The following LGR6 variants were observed in gnomAD, a reference collection of about 807,000 sequenced individuals.
LGR6 encodes leucine-rich repeat-containing G protein-coupled receptor 6.
LGR6 carries 45 observed loss-of-function variants against 69.4 expected under a neutral mutation model. The ratio of observed to expected loss-of-function variants is 0.65; its 90% confidence interval spans 0.51 to 0.83. The LOEUF is 0.83. Among genes scored for constraint, LGR6 ranks in the 40% least tolerant of loss-of-function variants. The pLI, the probability that LGR6 is intolerant of heterozygous loss-of-function variation, is 0.00. For synonymous variants in LGR6, 538 were observed against 555.0 expected, an observed-to-expected ratio of 0.97 and a Z score of 0.43; for missense variants, 1,108 against 1,246.7, an observed-to-expected ratio of 0.89 and a Z score of 1.68.
intron 1 of LGR6, among the ~76,000 whole-genome samples, chr1:202,196,362 T>C (rs754415962): frequency 1.3e-5 from 2 of 152,196 alleles, no homozygotes; most frequent in Non-Finnish European, 2.9e-5. Context: ...AGAGCTGGCA[T>C]GCAGAAGAGC....
rs768239215 is a variant in LGR6, at chr1:202,318,877, G to A, written c.2574G>A (p.Glu858=). The change falls in exon 18 of 18, where the codon GAG becomes GAA. Residue 858 remains glutamate, a synonymous_variant. Coordinates refer to ENST00000367278, the MANE Select transcript of LGR6 (RefSeq NM_001017403.2). ...SGPLAYAAAG[E]LEKSSCDSTQ... ...CCCTAGCCTATGCTGCGGCCGGGGA[G>A]CTGGAGAAGAGCTCCTGTGATTCTA... The A allele has an allele frequency of 3.7e-6, 6 of 1,613,988 alleles. No individual in the cohort carries two copies. The Admixed American group carries it at 1.0e-4, about 27-fold the overall frequency.
rs572587382 is a variant in LGR6, at chr1:202,194,155, G to A, written c.166G>A (p.Gly56Arg). ...IMLSADCSEL[G>R]LSAVPGDLDP... ...GCTGTCTGCCGACTGCTCTGAGCTC[G>A]GGCTGTCCGCCGTTCCGGGGGACCT... Residue 56 changes from glycine to arginine, a missense_variant, in exon 1 of 18, where the codon GGG becomes AGG. Transcript: ENST00000367278. 1.1e-5 allele frequency: 17 copies of A among 1,574,962 alleles called. No individual in the cohort carries two copies. In the South Asian group the frequency reaches 1.5e-4, roughly 14 times the overall value.
chr1:202,264,704 T>A (rs1234804907), intron 4 of LGR6, among the ~76,000 whole-genome samples: 1 of 152,224 alleles, frequency 6.6e-6, no homozygotes, highest in Admixed American at 6.5e-5. Context: ...TCCTAAAGGC[T>A]ACACACAGAG....
chr1:202,246,184 CCCAT>C (rs1234727968), intron 4 of LGR6, among the ~76,000 whole-genome samples: 2 of 32,658 alleles, frequency 6.1e-5, no homozygotes, highest in African/African-American at 1.4e-4. Context: ...CATCCCTCCA[CCCAT>C]CCATCCATCC....
intron 4 of LGR6, among the ~76,000 whole-genome samples, chr1:202,266,797 G>T (rs2993442): frequency 0.47 from 70,993 of 151,794 alleles, 17,600 homozygotes; most frequent in East Asian, 0.7. Context: ...TAGGAAGTTT[G>T]TCCTACCTCC....
chr1:202,234,082 C>G (rs1661317143), intron 3 of LGR6, among the ~76,000 whole-genome samples: 1 of 152,204 alleles, frequency 6.6e-6, no homozygotes, highest in African/African-American at 2.4e-5. Flanking sequence ...TTGGGTGGAG[C>G]CTGGATTGAA....
chr1:202,260,109 C>G lies in LGR6; in HGVS notation c.429-16197C>G, dbSNP rs927831938. On this transcript the variant is annotated intron_variant, in intron 4 of 17. Transcript: ENST00000367278. ...TGTCGTCCCGGCTGGAGTGTAGTGT[C>G]TTGATTTCGGCCTCAGCCTCCTGGG... Among the ~76,000 whole-genome samples the G allele has an allele frequency of 3.9e-5, 6 of 152,128 alleles. No homozygotes were observed. In the South Asian group the frequency reaches 1.2e-3, roughly 32 times the overall value.
chr1:202,266,891 C>A (rs1664708809), intron 4 of LGR6, among the ~76,000 whole-genome samples: 1 of 126,404 alleles, frequency 7.9e-6, no homozygotes, highest in South Asian at 3.2e-4. Flanking sequence ...CTTTTCCTCT[C>A]TCTCTAACGC....
rs773172695 is a variant in LGR6, at chr1:202,318,628, G to A, written c.2325G>A (p.Val775=). The A allele has an allele frequency of 1.2e-6, 2 of 1,613,756 alleles. No individual in the cohort carries two copies. Among genetic ancestry groups the A allele is most frequent in the Admixed American group, 1.7e-5 (1 of 60,008 alleles). ...GGGACTGCGCCATGGTGAGGCACGT[G>A]GCCTGGCTCATCTTCGCAGACGGGC... ...AVWDCAMVRH[V]AWLIFADGLL... is the part of the protein sequence containing the mutation. Residue 775 remains valine, a synonymous_variant, in exon 18 of 18, where the codon GTG becomes GTA. Transcript: ENST00000367278.
chr1:202,259,624 AC>A (rs1664057865), intron 4 of LGR6, among the ~76,000 whole-genome samples: 2 of 152,116 alleles, frequency 1.3e-5, no homozygotes, highest in Admixed American at 6.5e-5. Flanking sequence ...CATGTTTTAT[AC>A]TTTTTAAAGG....
At chr1:202,194,529 T>A in intron 1 of LGR6, 2 of 624,930 alleles carry the variant, frequency 3.2e-6, no homozygotes, top group Non-Finnish European at 6.2e-6. Context: ...CATCTCCTGT[T>A]GCTGCATTCT....
rs563909160 is a variant in LGR6, at chr1:202,213,404, G to A, written c.213-12019G>A. Among the ~76,000 whole-genome samples, 3 of 152,286 alleles carry A rather than the reference G, an allele frequency of 2.0e-5. No individual in the cohort carries two copies. The South Asian group carries it at 6.2e-4, about 32-fold the overall frequency. ...TTGCCTTTCCTTGGAGAAGGCAAGG[G>A]AGACAGGAATGCCTTTGGCTGGGAG... On this transcript the variant is annotated intron_variant, in intron 1 of 17. Transcript: ENST00000367278.
At chr1:202,253,875 G>A (rs1270124882) in intron 4 of LGR6, among the ~76,000 whole-genome samples, 12 of 126,906 alleles carry the variant, frequency 9.5e-5, no homozygotes, top group East Asian at 4.7e-4. Flanking sequence ...GCGGGATCTC[G>A]GCTCACTGCA....
chr1:202,235,843 G>A (rs1019080522), intron 3 of LGR6, 79 bp from the exon 4 acceptor site: 10 of 1,255,468 alleles, frequency 8.0e-6, no homozygotes, highest in Admixed American at 1.7e-5. Flanking sequence ...GGGACTGGGG[G>A]TTCAAGGGAG....
chr1:202,303,558 GTCTT>G (rs1056079269), intron 10 of LGR6, among the ~76,000 whole-genome samples: 1 of 152,194 alleles, frequency 6.6e-6, no homozygotes, highest in Non-Finnish European at 1.5e-5. Flanking sequence ...GAGGAGGCTG[GTCTT>G]TCTCTCTTTA....
At chr1:202,198,246 C>A (rs768177828) in intron 1 of LGR6, among the ~76,000 whole-genome samples, 1 of 152,140 alleles carries the variant, frequency 6.6e-6, no homozygotes, top group Non-Finnish European at 1.5e-5. Flanking sequence ...GAGGTTGTGG[C>A]ATTTGCCACA....
At chr1:202,235,842 G>C in intron 3 of LGR6, 80 bp from the exon 4 acceptor site, 2 of 1,219,800 alleles carry the variant, frequency 1.6e-6, no homozygotes, top group Non-Finnish European at 2.4e-6. Context: ...TGGGACTGGG[G>C]GTTCAAGGGA....
intron 3 of LGR6, among the ~76,000 whole-genome samples, chr1:202,234,640 G>C (rs1378272769): frequency 6.6e-6 from 1 of 152,206 alleles, no homozygotes; most frequent in Non-Finnish European, 1.5e-5. Flanking sequence ...GTTAGCAGTT[G>C]TGTGCACCCT....
intron 4 of LGR6, among the ~76,000 whole-genome samples, chr1:202,239,929 T>C (rs888648898): frequency 6.6e-6 from 1 of 152,208 alleles, no homozygotes; most frequent in African/African-American, 2.4e-5. Context: ...CAGCACCTTT[T>C]GTTGCTACTT....
Sources: gnomAD v4.1 joint callset for allele counts (sites outside exome capture counted in the v4.1 genomes callset) on GRCh38, gnomAD v4.1.1 for gene constraint, MANE v1.5 for transcripts, NCBI Gene and HGNC (gene_info 2026-07-23, HGNC 2026-07-21) for gene names.